KCNN2: variants seen among roughly 807,000 people sequenced by gnomAD.
The protein encoded by KCNN2 is potassium calcium-activated channel subfamily N member 2.
A neutral mutation model predicts 55.5 loss-of-function variants in KCNN2; 24 were observed. That is an observed-to-expected ratio of 0.43 (90% CI 0.31 to 0.61). The LOEUF is 0.61. KCNN2 is among the 20% of genes least tolerant of loss of function. The probability of loss-of-function intolerance (pLI) is 0.08; values close to 1 mark genes in which losing one functional copy is unlikely to be tolerated. For synonymous variants in KCNN2, 431 were observed against 336.1 expected (o/e 1.28, Z -3.09); for missense variants, 754 against 853.6 (o/e 0.88, Z 1.45).
At chr5:114,365,427 T>A (rs1001194221) in intron 2 of KCNN2, among the ~76,000 whole-genome samples, 4 of 152,228 alleles carry the variant, frequency 2.6e-5, no homozygotes, top group Non-Finnish European at 5.9e-5. Context: ...AAAATATAAC[T>A]TAAACATTAG....
At chr5:114,297,503 A>G (rs1184198443) in intron 2 of KCNN2, among the ~76,000 whole-genome samples, 1 of 152,170 alleles carries the variant, frequency 6.6e-6, no homozygotes, top group Non-Finnish European at 1.5e-5. Flanking sequence ...CCTACTTTAC[A>G]TTAGGTATGT....
chr5:114,072,304 A>C (rs1580484243), intron 1 of KCNN2, among the ~76,000 whole-genome samples: 1 of 151,924 alleles, frequency 6.6e-6, no homozygotes, highest in East Asian at 1.9e-4. Context: ...AAAAAAAAAA[A>C]AGTAATGTCG....
At chr5:114,244,557 A>T (rs969440518) in intron 2 of KCNN2, among the ~76,000 whole-genome samples, 1 of 148,654 alleles carries the variant, frequency 6.7e-6, no homozygotes, top group African/African-American at 2.5e-5. Context: ...AGATCGCGCC[A>T]TTGCACTCCA....
intron 2 of KCNN2, among the ~76,000 whole-genome samples, chr5:114,233,226 T>A (rs939953410): frequency 6.6e-6 from 1 of 152,114 alleles, no homozygotes; most frequent in Non-Finnish European, 1.5e-5. Flanking sequence ...GGCCTATTGT[T>A]TCTTGTTTTA....
chr5:114,317,708 A>T (rs557006178), intron 2 of KCNN2, among the ~76,000 whole-genome samples: 1 of 152,320 alleles, frequency 6.6e-6, no homozygotes, highest in South Asian at 2.1e-4. Flanking sequence ...TTGGAAGTAG[A>T]TCCTATGTCA....
At chr5:114,084,807 T>C (rs1647278141) in intron 1 of KCNN2, among the ~76,000 whole-genome samples, 1 of 151,990 alleles carries the variant, frequency 6.6e-6, no homozygotes, top group Non-Finnish European at 1.5e-5. Flanking sequence ...GTTTTACAAC[T>C]AGGTCTATGA....
In KCNN2 at chr5:114,280,197, T is replaced by G. The variant is rs193205142; in HGVS notation, c.-185+58632T>G. Reference sequence around the variant, plus strand: ...TTGAGTTCATTGTAGATTCTGGATATTAGCCCTTTGTCAGATGGGTAGATT... The same window carrying G: ...TTGAGTTCATTGTAGATTCTGGATAGTAGCCCTTTGTCAGATGGGTAGATT... On this transcript the variant is annotated intron_variant, in intron 2 of 10. Coordinates refer to the KCNN2 transcript ENST00000512097. Among the ~76,000 whole-genome samples, 247 of 152,336 alleles carry G rather than the reference T, an allele frequency of 1.6e-3. 1 individual carries two copies. Among genetic ancestry groups the G allele is most frequent in the African/African-American group, 5.5e-3 (228 of 41,578 alleles).
At chr5:114,319,952 C>A (rs1756581371) in intron 2 of KCNN2, among the ~76,000 whole-genome samples, 1 of 152,154 alleles carries the variant, frequency 6.6e-6, no homozygotes, top group Non-Finnish European at 1.5e-5. Context: ...TGATACAGAG[C>A]TCTGAGAAAG....
Position 114,236,171 on chromosome 5 carries a change from A to G in KCNN2, c.-185+14606A>G, listed in dbSNP as rs115445503. 4.2e-3 allele frequency among the ~76,000 whole-genome samples: 644 copies of G among 152,296 alleles called. 5 individuals carry two copies. The highest frequency in any genetic ancestry group is 0.015 in the African/African-American group (612 of 41,552). On this transcript the variant is annotated intron_variant, in intron 2 of 10. Coordinates refer to the KCNN2 transcript ENST00000512097. ...GTTATTCTTAAATTAGGCATCATTTACCATTTGCAGTCTTAGTTCTCCTAG... is the reference window on the plus strand; with the variant it reads ...GTTATTCTTAAATTAGGCATCATTTGCCATTTGCAGTCTTAGTTCTCCTAG...
intron 3 of KCNN2, among the ~76,000 whole-genome samples, chr5:114,448,770 G>T (rs567629167): frequency 6.6e-6 from 1 of 152,288 alleles, no homozygotes; most frequent in East Asian, 1.9e-4. Flanking sequence ...AAGACTTCTT[G>T]TCATTGTTTG....
intron 2 of KCNN2, among the ~76,000 whole-genome samples, chr5:114,247,111 G>C (rs1053473055): frequency 6.8e-6 from 1 of 147,716 alleles, no homozygotes; most frequent in African/African-American, 2.5e-5. Flanking sequence ...CGAGATCAGC[G>C]TGACCAACAT....
intron 1 of KCNN2, among the ~76,000 whole-genome samples, chr5:114,134,456 A>ATGATTTAT (rs1554070559): frequency 2.0e-5 from 2 of 101,432 alleles, no homozygotes; most frequent in Non-Finnish European, 4.1e-5. Flanking sequence ...CAATCCAACC[A>ATGATTTAT]TGATTTATTT....
At chr5:114,060,315 C>T (rs114255417) in intron 1 of KCNN2, among the ~76,000 whole-genome samples, 1,634 of 152,344 alleles carry the variant, frequency 0.011, 23 homozygotes, top group African/African-American at 0.037. Flanking sequence ...CAGCCTCCAC[C>T]CTCTCGTTGC....
chr5:114,409,004 C>G (rs1042736984), intron 3 of KCNN2, among the ~76,000 whole-genome samples: 1 of 152,060 alleles, frequency 6.6e-6, no homozygotes, highest in African/African-American at 2.4e-5. Flanking sequence ...ATAAAGGAAA[C>G]AAATCTGTGA....
chr5:114,353,313 C>T (rs1757246272), intron 2 of KCNN2, among the ~76,000 whole-genome samples: 1 of 151,776 alleles, frequency 6.6e-6, no homozygotes, highest in South Asian at 2.1e-4. Flanking sequence ...CTCTTCATTT[C>T]TTCCTGTGAA....
rs560311403 is a variant in KCNN2 at position 114,492,963 on chromosome 5, G to A, written c.2019-440G>A. ...TCAAATACCTAACCCAATCCATTTC[G>A]GACTAAACAGGGCTAATACCTGTAT... On this transcript the variant is annotated intron_variant, in intron 6 of 7. Transcript: ENST00000673685. Among the ~76,000 whole-genome samples the A allele has an allele frequency of 6.5e-4, 99 of 151,622 alleles. 1 individual carries two copies. The highest frequency in any genetic ancestry group is 1.2e-3 in the Non-Finnish European group (81 of 67,916).
intron 3 of KCNN2, among the ~76,000 whole-genome samples, chr5:114,426,014 T>C (rs1370385698): frequency 5.6e-5 from 8 of 143,694 alleles, no homozygotes; most frequent in African/African-American, 2.1e-4. Flanking sequence ...ACCCCATCTC[T>C]ACCAAAAAAA....
intron 2 of KCNN2, among the ~76,000 whole-genome samples, chr5:114,333,519 A>T (rs992364180): frequency 2.0e-5 from 3 of 152,132 alleles, no homozygotes; most frequent in Non-Finnish European, 4.4e-5. Flanking sequence ...CTGGCTTCCA[A>T]TATTTTCTAT....
At chr5:114,146,211 G>C (rs1009338455) in intron 1 of KCNN2, among the ~76,000 whole-genome samples, 1 of 152,108 alleles carries the variant, frequency 6.6e-6, no homozygotes, top group Non-Finnish European at 1.5e-5. Flanking sequence ...AACAGAACTA[G>C]ATTTAGGAAT....
Sources: gnomAD v4.1 joint callset for allele counts (sites outside exome capture counted in the v4.1 genomes callset) on GRCh38, gnomAD v4.1.1 for gene constraint, MANE v1.5 for transcripts, NCBI Gene and HGNC (gene_info 2026-07-23, HGNC 2026-07-21) for gene names.